The following SRF variants were observed in gnomAD, a reference collection of about 807,000 sequenced individuals.
SRF encodes serum response factor.
A neutral mutation model predicts 37.1 loss-of-function variants in SRF; 7 were observed. The observed-to-expected ratio is 0.19, with a 90% CI of 0.11 to 0.35. The LOEUF (loss-of-function observed/expected upper bound fraction) is 0.35, where lower values mean the gene tolerates loss of function less well. Ranked by LOEUF, SRF falls within the 10% of genes least tolerant of loss-of-function variation. SRF has a pLI of 1.00. For missense variants in SRF, 395 were observed against 694.4 expected (o/e 0.57, Z 4.85); for synonymous variants, 285 against 310.1 (o/e 0.92, Z 0.85).
Position 43,176,983 on chromosome 6 carries a change from A to C in SRF, c.1162+316A>C, listed in dbSNP as rs1454646003. 6.6e-6 allele frequency among the ~76,000 whole-genome samples: 1 copy of C among 152,250 alleles called. No homozygotes were observed. The highest frequency in any genetic ancestry group is 1.5e-5 in the Non-Finnish European group (1 of 68,044). On this transcript the variant is annotated intron_variant, in intron 4 of 6. Transcript: ENST00000265354. This position sits in a 1 kb window ranked among gnomAD's most constrained non-coding sequence, Gnocchi z 4.0. ...TTTGCTTAATTATCAGGAAGGACTT[A>C]GAGAGCAATTTTCTCTTTGTGCGAG...
chr6:43,178,398 C>T lies in SRF; in HGVS notation c.1267C>T (p.Leu423=). 1 of 1,614,116 alleles carries T rather than the reference C, an allele frequency of 6.2e-7. No homozygotes were observed. The highest frequency in any genetic ancestry group is 2.2e-5 in the East Asian group (1 of 44,874). The change falls in exon 5 of 7, where the codon CTG becomes TTG. Residue 423 remains leucine (L), a synonymous_variant. Transcript: ENST00000265354. This position sits in a 1 kb window ranked among gnomAD's most constrained non-coding sequence, Gnocchi z 4.3. ...HAVMYAPTSG[L]GDGSLTVLNA... is the part of the protein sequence containing the mutation. ...GGTGATGTATGCCCCCACCTCGGGC[C>T]TGGGTGATGGCAGCCTCACCGTGCT...
Position 43,179,313 on chromosome 6 carries a change from C to A in SRF, c.*123C>A. 9.8e-7 allele frequency: 1 copy of A among 1,015,886 alleles called. No homozygotes were observed. The allele number at this position is 1,015,886 out of a possible 1,614,324, so 62.9% of individuals were successfully genotyped here. On this transcript the variant is annotated 3_prime_UTR_variant, in exon 7 of 7. Transcript: ENST00000265354. The surrounding 1 kb of genome is among the most constrained non-coding windows in gnomAD (Gnocchi z 5.3). ...GAGGGAGGCGGGGAGGAGGAACGGG[C>A]AGCCACAGGACTGAGCCCTCTCACT...
chr6:43,176,342 C>T lies in SRF; in HGVS notation c.1043-206C>T, dbSNP rs756396667. Among the ~76,000 whole-genome samples, 1 of 152,142 alleles carries T rather than the reference C, an allele frequency of 6.6e-6. No homozygotes were observed. Among genetic ancestry groups the T allele is most frequent in the Non-Finnish European group, 1.5e-5 (1 of 68,020 alleles). ...AAGAAAAGAGAGACAAGGCCCAGGG[C>T]AGGAGGAGGAGGGATGGGCAAGAGT... On this transcript the variant is annotated intron_variant, in intron 3 of 6. Coordinates refer to ENST00000265354, the MANE Select transcript of SRF (RefSeq NM_003131.4). This position sits in a 1 kb window ranked among gnomAD's most constrained non-coding sequence, Gnocchi z 4.0.
At position 43,172,028 on chromosome 6, in the gene SRF, C is replaced by T. The variant is rs1772113662; in HGVS notation, c.372C>T (p.Tyr124=). 1 of 1,594,460 alleles carries T rather than the reference C, an allele frequency of 6.3e-7. No homozygotes were observed. The highest frequency in any genetic ancestry group is 8.5e-7 in the Non-Finnish European group (1 of 1,171,598). The change falls in exon 1 of 7, where the codon TAC becomes TAT. Residue 124 remains tyrosine (Y), a synonymous_variant. Transcript: ENST00000265354. The surrounding 1 kb of genome is among the most constrained non-coding windows in gnomAD (Gnocchi z 5.7). The part of the protein sequence containing the change: ...PEASAAATGG[Y]GPVSGAVSGA... ...CGTCGGCAGCGGCCACCGGGGGCTA[C>T]GGGCCGGTGAGCGGCGCGGTGAGCG...
Position 43,179,296 on chromosome 6 carries a change from C to A in SRF, c.*106C>A. On this transcript the variant is annotated 3_prime_UTR_variant, in exon 7 of 7. Coordinates refer to ENST00000265354, the MANE Select transcript of SRF (RefSeq NM_003131.4). The surrounding 1 kb of genome is among the most constrained non-coding windows in gnomAD (Gnocchi z 5.3). ...ACGTTGACGGGCCGCAGGAGGGAGGCGGGGAGGAGGAACGGGCAGCCACAG... is the reference window on the plus strand; with the variant it reads ...ACGTTGACGGGCCGCAGGAGGGAGGAGGGGAGGAGGAACGGGCAGCCACAG... The A allele has an allele frequency of 8.0e-7, 1 of 1,244,078 alleles. No homozygotes were observed. Among genetic ancestry groups the A allele is most frequent in the Non-Finnish European group, 1.1e-6 (1 of 875,070 alleles). The allele number at this position is 1,244,078 out of a possible 1,614,324, so 77.1% of individuals were successfully genotyped here.
Position 43,176,402 on chromosome 6 carries a change from C to T in SRF, c.1043-146C>T. The T allele has an allele frequency of 7.7e-7, 1 of 1,303,154 alleles. No individual in the cohort carries two copies. The highest frequency in any genetic ancestry group is 1.1e-6 in the Non-Finnish European group (1 of 933,554). 80.7% of individuals were successfully genotyped at this position (1,303,154 alleles called of 1,614,324 possible). The stretch of plus-strand genomic sequence containing the variant: ...AAGCCCCCAGAGTGGATACTTGGGC[C>T]TGAAGGGCCTCTTTGGCTTCCAGGA... On this transcript the variant is annotated intron_variant, in intron 3 of 6. Transcript: ENST00000265354. This position sits in a 1 kb window ranked among gnomAD's most constrained non-coding sequence, Gnocchi z 4.0.
At position 43,171,552 on chromosome 6, in the gene SRF, C is replaced by A; in HGVS notation, c.-105C>A. The A allele has an allele frequency of 8.8e-7, 1 of 1,132,184 alleles. No individual in the cohort carries two copies. Among genetic ancestry groups the A allele is most frequent in the Non-Finnish European group, 1.1e-6 (1 of 912,378 alleles). 70.1% of individuals were successfully genotyped at this position (1,132,184 alleles called of 1,614,324 possible). Reference sequence around the variant, plus strand: ...GGCGGCCGCGGCAGCGATAGCGGCACTAGCAGCAGCGGGAGTGCCGGGTTG... The same window carrying A: ...GGCGGCCGCGGCAGCGATAGCGGCAATAGCAGCAGCGGGAGTGCCGGGTTG... On this transcript the variant is annotated 5_prime_UTR_variant, in exon 1 of 7. Coordinates refer to ENST00000265354, the MANE Select transcript of SRF (RefSeq NM_003131.4). This position sits in a 1 kb window ranked among gnomAD's most constrained non-coding sequence, Gnocchi z 6.5.
At chr6:43,174,909 G>T (rs1772170492) in intron 2 of SRF, among the ~76,000 whole-genome samples, 1 of 152,164 alleles carries the variant, frequency 6.6e-6, no homozygotes, top group Non-Finnish European at 1.5e-5. Flanking sequence ...TTCTAAGAAC[G>T]AAGTCTTCCT....
At position 43,176,558 on chromosome 6, in the gene SRF, G is replaced by A; in HGVS notation, c.1053G>A (p.Val351=). ...TSFTLMPGGA[V]AQQVPVQAIQ... is the part of the protein sequence containing the mutation. ...CTCTGTGTCTTGCAGGTGGGGCAGT[G>A]GCCCAGCAGGTCCCAGTGCAGGCCA... Residue 351 remains valine, a synonymous_variant, in exon 4 of 7, where the codon GTG becomes GTA. Coordinates refer to ENST00000265354, the MANE Select transcript of SRF (RefSeq NM_003131.4). The surrounding 1 kb of genome is among the most constrained non-coding windows in gnomAD (Gnocchi z 4.0). 6.2e-7 allele frequency: 1 copy of A among 1,614,114 alleles called. No individual in the cohort carries two copies. Among genetic ancestry groups the A allele is most frequent in the South Asian group, 1.1e-5 (1 of 91,078 alleles).
In SRF at chr6:43,176,775, A is replaced by C; in HGVS notation, c.1162+108A>C. ...TAACTAAAGTCAGGGGATTTCTTAA[A>C]GTGGAGATTGAGGCTTTGGGCCTAA... On this transcript the variant is annotated intron_variant, in intron 4 of 6. Transcript: ENST00000265354. The surrounding 1 kb of genome is among the most constrained non-coding windows in gnomAD (Gnocchi z 4.0). 6.8e-7 allele frequency: 1 copy of C among 1,477,846 alleles called. No homozygotes were observed. Among genetic ancestry groups the C allele is most frequent in the Non-Finnish European group, 9.2e-7 (1 of 1,090,890 alleles). The allele number at this position is 1,477,846 out of a possible 1,614,324, so 91.5% of individuals were successfully genotyped here. A position where few individuals can be genotyped will look rare whatever the true frequency, so the allele number is the denominator to read the frequency against.
In SRF at chr6:43,176,038, G is replaced by A; in HGVS notation, c.1042+71G>A. On this transcript the variant is annotated intron_variant, in intron 3 of 6. Transcript: ENST00000265354. The surrounding 1 kb of genome is among the most constrained non-coding windows in gnomAD (Gnocchi z 4.0). ...TCAAGCATGCTAAGAGTGTGTTTAG[G>A]GCTGGCACCAAGAGAACCTCTTTCC... 6.4e-7 allele frequency: 1 copy of A among 1,562,132 alleles called. No individual in the cohort carries two copies. Among genetic ancestry groups the A allele is most frequent in the Non-Finnish European group, 8.7e-7 (1 of 1,154,982 alleles).
Position 43,172,276 on chromosome 6 carries a change from T to A in SRF, c.513+107T>A. On this transcript the variant is annotated intron_variant, in intron 1 of 6. Coordinates refer to ENST00000265354, the MANE Select transcript of SRF (RefSeq NM_003131.4). This position sits in a 1 kb window ranked among gnomAD's most constrained non-coding sequence, Gnocchi z 5.7. Reference sequence around the variant, plus strand: ...CGAGGCGGAGGTGAGAGGCTGCGAGTCCGCAGGAGGTGTGTGGGAGGGGAT... The same window carrying A: ...CGAGGCGGAGGTGAGAGGCTGCGAGACCGCAGGAGGTGTGTGGGAGGGGAT... 1.4e-6 allele frequency: 2 copies of A among 1,465,986 alleles called. No homozygotes were observed. The highest frequency in any genetic ancestry group is 2.7e-5 in the East Asian group (1 of 36,830). 90.8% of individuals were successfully genotyped at this position (1,465,986 alleles called of 1,614,324 possible).
Position 43,178,942 on chromosome 6 carries a change from G to A in SRF, c.1431+60G>A. ...GCCACTTCTTTGTCTTGACCTTAGG[G>A]GATCCTGTTACCAGTTCATCAAAGC... On this transcript the variant is annotated intron_variant, in intron 6 of 6. Coordinates refer to ENST00000265354, the MANE Select transcript of SRF (RefSeq NM_003131.4). The surrounding 1 kb of genome is among the most constrained non-coding windows in gnomAD (Gnocchi z 4.3). 6.3e-7 allele frequency: 1 copy of A among 1,591,104 alleles called. No homozygotes were observed.
At position 43,171,598 on chromosome 6, in the gene SRF, C is replaced by T. The variant is rs1485620104; in HGVS notation, c.-59C>T. On this transcript the variant is annotated 5_prime_UTR_variant, in exon 1 of 7. Transcript: ENST00000265354. The surrounding 1 kb of genome is among the most constrained non-coding windows in gnomAD (Gnocchi z 6.5). ...GGTTGAGCCGGGAAGCCGATGGCGG[C>T]GGCTGCGGCGGCTCCGATTCCTCGC... 12 of 1,178,052 alleles carry T rather than the reference C, an allele frequency of 1.0e-5. No homozygotes were observed. Among genetic ancestry groups the T allele is most frequent in the Admixed American group, 4.6e-5 (1 of 21,868 alleles). The allele number at this position is 1,178,052 out of a possible 1,614,324, so 73.0% of individuals were successfully genotyped here.
At position 43,172,895 on chromosome 6, in the gene SRF, A is replaced by T. The variant is rs1337034942; in HGVS notation, c.513+726A>T. 6.6e-6 allele frequency among the ~76,000 whole-genome samples: 1 copy of T among 152,130 alleles called. No individual in the cohort carries two copies. Among genetic ancestry groups the T allele is most frequent in the Non-Finnish European group, 1.5e-5 (1 of 68,010 alleles). ...GGATGGGGTTTGGGGGAAGTCAGGG[A>T]GGCTTGCAGAGGTACCTAGGAATTC... is the stretch of plus-strand genomic sequence containing the variant. On this transcript the variant is annotated intron_variant, in intron 1 of 6. Coordinates refer to ENST00000265354, the MANE Select transcript of SRF (RefSeq NM_003131.4). The surrounding 1 kb of genome is among the most constrained non-coding windows in gnomAD (Gnocchi z 5.7).
intron 4 of SRF, among the ~76,000 whole-genome samples, chr6:43,177,391 G>A (rs1444905735): frequency 6.6e-6 from 1 of 151,264 alleles, no homozygotes; most frequent in Non-Finnish European, 1.5e-5. Context: ...CACCACACCT[G>A]GCTAATTTTT....
chr6:43,178,781 T>C lies in SRF; in HGVS notation c.1355-25T>C, dbSNP rs1298780726. 1.9e-6 allele frequency: 3 copies of C among 1,611,946 alleles called. No homozygotes were observed. Among genetic ancestry groups the C allele is most frequent in the Non-Finnish European group, 2.5e-6 (3 of 1,178,126 alleles). ...TGGAAGTTTCAACAAACAATTTGAGTATCTCCTGTGGTTTTCCAATGTAGG... is the reference window on the plus strand; with the variant it reads ...TGGAAGTTTCAACAAACAATTTGAGCATCTCCTGTGGTTTTCCAATGTAGG... On this transcript the variant is annotated intron_variant, in intron 5 of 6. Transcript: ENST00000265354. This position sits in a 1 kb window ranked among gnomAD's most constrained non-coding sequence, Gnocchi z 4.3.
chr6:43,176,799 A>C lies in SRF; in HGVS notation c.1162+132A>C. On this transcript the variant is annotated intron_variant, in intron 4 of 6. Coordinates refer to ENST00000265354, the MANE Select transcript of SRF (RefSeq NM_003131.4). This position sits in a 1 kb window ranked among gnomAD's most constrained non-coding sequence, Gnocchi z 4.0. The stretch of plus-strand genomic sequence containing the variant: ...AAGTGGAGATTGAGGCTTTGGGCCT[A>C]ATAATTATGGGGAAGTCAGGTGAGG... The C allele has an allele frequency of 2.2e-6, 3 of 1,353,426 alleles. No individual in the cohort carries two copies. The highest frequency in any genetic ancestry group is 3.8e-4 in the Middle Eastern group (2 of 5,196). 83.8% of individuals were successfully genotyped at this position (1,353,426 alleles called of 1,614,324 possible). A position where few individuals can be genotyped will look rare whatever the true frequency, so the allele number is the denominator to read the frequency against.
At position 43,178,259 on chromosome 6, in the gene SRF, C is replaced by T. The variant is rs377334269; in HGVS notation, c.1163-35C>T. 8.6e-5 allele frequency: 134 copies of T among 1,562,180 alleles called. No individual in the cohort carries two copies. Among genetic ancestry groups the T allele is most frequent in the Non-Finnish European group, 1.1e-4 (124 of 1,147,370 alleles). ...ACGGAATGGGAGTTATCAGTGGGGA[C>T]CAGTGCCGAGCTGACACATGTCTGT... On this transcript the variant is annotated intron_variant, in intron 4 of 6. Transcript: ENST00000265354. The surrounding 1 kb of genome is among the most constrained non-coding windows in gnomAD (Gnocchi z 4.3).
Sources: allele counts gnomAD v4.1 joint callset (sites outside exome capture counted in the v4.1 genomes callset), GRCh38; gene constraint gnomAD v4.1.1; non-coding constraint Gnocchi (gnomAD v3.1); transcripts MANE v1.5; gene names NCBI Gene and HGNC (gene_info 2026-07-23, HGNC 2026-07-21).